Variants in CSMD3 observed in about 807,000 individuals in gnomAD.
The protein encoded by CSMD3 is CUB and sushi domain-containing protein 3.
Under a neutral mutation model 435.2 loss-of-function variants are expected in CSMD3, and 177 were observed. The ratio of observed to expected loss-of-function variants is 0.41; its 90% CI spans 0.36 to 0.46. The LOEUF is 0.46. Ranked by LOEUF, CSMD3 falls within the 20% of genes least tolerant of loss-of-function variation. The pLI is 0.34. For synonymous variants in CSMD3, 1,656 were observed against 1,520.5 expected, an observed-to-expected ratio of 1.09 and a Z score of -2.07; for missense variants, 4,265 against 4,504.6, an observed-to-expected ratio of 0.95 and a Z score of 1.52.
At position 112,361,568 on chromosome 8, in the gene CSMD3, C is replaced by CAT. The variant is rs1239098509; in HGVS notation, c.6137-9036_6137-9035dup. On this transcript the variant is annotated intron_variant, in intron 38 of 70. Coordinates refer to ENST00000297405, the MANE Select transcript of CSMD3 (RefSeq NM_198123.2). The stretch of plus-strand genomic sequence containing the variant: ...AAAAGTGTGTATGTATATATATACA[C>CAT]ATACATATATATATATATATATATA... 3.8e-3 allele frequency among the ~76,000 whole-genome samples: 135 copies of CAT among 35,556 alleles called. 2 individuals carry two copies. Among genetic ancestry groups the CAT allele is most frequent in the Non-Finnish European group, 6.0e-3 (114 of 19,130 alleles). The allele number at this position is 35,556 out of a possible 152,430, so 23.3% of individuals were successfully genotyped here. A position where few individuals can be genotyped will look rare whatever the true frequency, so the allele number is the denominator to read the frequency against.
chr8:113,239,478 T>G (rs1169793362), intron 3 of CSMD3, among the ~76,000 whole-genome samples: 1 of 147,368 alleles, frequency 6.8e-6, no homozygotes, highest in Non-Finnish European at 1.5e-5. Context: ...AAAAATAAAT[T>G]ATATATGCAG....
At chr8:112,967,121 A>G (rs571431142) in intron 7 of CSMD3, among the ~76,000 whole-genome samples, 1 of 151,996 alleles carries the variant, frequency 6.6e-6, no homozygotes, top group Admixed American at 6.6e-5. Context: ...CAAGACTACT[A>G]GATGATTCAT....
chr8:113,194,053 CTT>C (rs2092621114), intron 3 of CSMD3, among the ~76,000 whole-genome samples: 1 of 151,168 alleles, frequency 6.6e-6, no homozygotes, highest in Non-Finnish European at 1.5e-5. Flanking sequence ...AAATATAAAA[CTT>C]TGTTGAATCA....
At chr8:112,940,219 C>T (rs2083410631) in intron 9 of CSMD3, among the ~76,000 whole-genome samples, 1 of 151,608 alleles carries the variant, frequency 6.6e-6, no homozygotes. Flanking sequence ...TAGCATGTTC[C>T]CTGCTGTTTC....
chr8:113,306,374 T>G (rs2093821368), intron 2 of CSMD3, among the ~76,000 whole-genome samples: 1 of 152,142 alleles, frequency 6.6e-6, no homozygotes, highest in African/African-American at 2.4e-5. Context: ...AATGTAATCT[T>G]TAGGAAAACT....
chr8:113,024,528 A>G lies in CSMD3; in HGVS notation c.918-5349T>C, dbSNP rs374950077. 3.8e-4 allele frequency among the ~76,000 whole-genome samples: 58 copies of G among 152,270 alleles called. 2 individuals are homozygous for G. In the South Asian group the frequency reaches 0.012, roughly 30 times the overall value. ...CTATTTTTAATTTTTTGAGGAACAT[A>G]CATACTATTTTTAATAATGGTTTTA... is the stretch of plus-strand genomic sequence containing the variant. On this transcript the variant is annotated intron_variant, in intron 5 of 70. Transcript: ENST00000297405.
intron 44 of CSMD3, among the ~76,000 whole-genome samples, chr8:112,335,742 T>TTG (rs978167710): frequency 4.6e-5 from 7 of 151,692 alleles, no homozygotes; most frequent in Non-Finnish European, 1.0e-4. Flanking sequence ...TCTTTGTTTT[T>TTG]TTTTTTTTTT....
At chr8:112,866,011 A>G (rs887701379) in intron 10 of CSMD3, among the ~76,000 whole-genome samples, 2 of 152,180 alleles carry the variant, frequency 1.3e-5, no homozygotes, top group African/African-American at 4.8e-5. Context: ...TTAATCCACA[A>G]AGGATTCATT....
intron 1 of CSMD3, among the ~76,000 whole-genome samples, chr8:113,327,515 C>A (rs2093992155): frequency 6.6e-6 from 1 of 152,040 alleles, no homozygotes; most frequent in African/African-American, 2.4e-5. Flanking sequence ...CTCCCACTCC[C>A]CTCTTCCCAG....
rs144093874 is a variant in CSMD3 at position 112,974,212 on chromosome 8, A to G, written c.1342+1625T>C. 6.0e-3 allele frequency among the ~76,000 whole-genome samples: 906 copies of G among 152,028 alleles called. 5 individuals are homozygous for G. The highest frequency in any genetic ancestry group is 0.019 in the African/African-American group (806 of 41,546). ...TATGGAACCACCTTAAAAGTATTTAATTTAATTTAATGGTTGACTATTAAA... is the reference window on the plus strand; with the variant it reads ...TATGGAACCACCTTAAAAGTATTTAGTTTAATTTAATGGTTGACTATTAAA... On this transcript the variant is annotated intron_variant, in intron 7 of 70. Coordinates refer to ENST00000297405, the MANE Select transcript of CSMD3 (RefSeq NM_198123.2).
intron 32 of CSMD3, among the ~76,000 whole-genome samples, chr8:112,471,726 T>G (rs2130748457): frequency 6.6e-6 from 1 of 152,324 alleles, no homozygotes; most frequent in African/African-American, 2.4e-5. Context: ...CAGCTATCTC[T>G]AATGATAAAA....
chr8:112,766,453 TAA>T (rs1056784597), intron 13 of CSMD3, among the ~76,000 whole-genome samples: 2 of 151,750 alleles, frequency 1.3e-5, no homozygotes, highest in African/African-American at 4.8e-5. Context: ...TTGAATTTGT[TAA>T]GTTATATATT....
chr8:112,989,854 A>G (rs2085387513), intron 6 of CSMD3, among the ~76,000 whole-genome samples: 1 of 152,002 alleles, frequency 6.6e-6, no homozygotes, highest in Non-Finnish European at 1.5e-5. Flanking sequence ...TCCCCACCCA[A>G]ATCTCATCTT....
At chr8:113,262,210 A>T (rs2093432631) in intron 3 of CSMD3, among the ~76,000 whole-genome samples, 1 of 152,126 alleles carries the variant, frequency 6.6e-6, no homozygotes, top group Admixed American at 6.6e-5. Context: ...AAGTACAAAG[A>T]TACACTATTT....
intron 45 of CSMD3, 39 bp downstream of exon 45, chr8:112,335,290 C>T (rs781415170): frequency 1.3e-6 from 2 of 1,592,146 alleles, no homozygotes; most frequent in Admixed American, 1.7e-5. Context: ...ACAAATTAAA[C>T]AGTAGCAAAT....
At chr8:112,313,143 T>C (rs1363551724) in intron 49 of CSMD3, among the ~76,000 whole-genome samples, 1 of 152,124 alleles carries the variant, frequency 6.6e-6, no homozygotes, top group African/African-American at 2.4e-5. Context: ...TTTATGTACA[T>C]TTACTCAACA....
chr8:112,441,257 C>T (rs530822293), intron 32 of CSMD3, among the ~76,000 whole-genome samples: 1 of 152,276 alleles, frequency 6.6e-6, no homozygotes, highest in South Asian at 2.1e-4. Flanking sequence ...CCGTTCCCAA[C>T]AAGTTTCTCA....
intron 22 of CSMD3, among the ~76,000 whole-genome samples, chr8:112,602,643 C>T (rs887514239): frequency 6.6e-6 from 1 of 151,240 alleles, no homozygotes; most frequent in Non-Finnish European, 1.5e-5. Flanking sequence ...TCCTAATAGC[C>T]TATTGTTAGC....
intron 3 of CSMD3, among the ~76,000 whole-genome samples, chr8:113,218,395 A>G (rs927212533): frequency 2.0e-5 from 3 of 150,540 alleles, no homozygotes; most frequent in East Asian, 2.0e-4. Context: ...CTGAAACCAC[A>G]CAGTACAAAG....
Sources: gnomAD v4.1 joint callset for allele counts (sites outside exome capture counted in the v4.1 genomes callset) on GRCh38, gnomAD v4.1.1 for gene constraint, MANE v1.5 for transcripts, NCBI Gene and HGNC (gene_info 2026-07-23, HGNC 2026-07-21) for gene names.